The following CEACAM21 variants were observed in gnomAD, a reference collection of about 807,000 sequenced individuals.
CEACAM21 encodes the protein CEA cell adhesion molecule 21.
Under a neutral mutation model 33.2 loss-of-function variants are expected in CEACAM21, and 38 were observed. That is an observed-to-expected ratio of 1.14 (90% CI 0.88 to 1.50). CEACAM21 has a LOEUF of 1.50. Among genes scored for constraint, CEACAM21 ranks in the 40% most tolerant of loss-of-function variants. The probability of loss-of-function intolerance (pLI) is 0.00; values close to 1 mark genes in which losing one functional copy is unlikely to be tolerated. For missense variants in CEACAM21, 385 were observed against 364.6 expected, an observed-to-expected ratio of 1.06 and a Z score of -0.46; for synonymous variants, 156 against 143.0, an observed-to-expected ratio of 1.09 and a Z score of -0.65.
chr19:41,565,542 C>T (rs1443382632), intron 2 of CEACAM21: 1 of 94,238 alleles, frequency 1.1e-5, no homozygotes, highest in Non-Finnish European at 1.8e-5. Flanking sequence ...TTCCCCCCCG[C>T]CCCCCGCCCC....
At chr19:41,564,359 T>TTTA (rs1249680873) in intron 1 of CEACAM21, among the ~76,000 whole-genome samples, 1 of 130,570 alleles carries the variant, frequency 7.7e-6, no homozygotes, top group East Asian at 2.0e-4. Context: ...TATTTATTTA[T>TTTA]TTATTTATTA....
intron 1 of CEACAM21, among the ~76,000 whole-genome samples, chr19:41,550,985 T>C (rs2041165690): frequency 6.6e-6 from 1 of 152,212 alleles, no homozygotes; most frequent in Non-Finnish European, 1.5e-5. Context: ...TTTACTATTG[T>C]GCTGCATGCT....
chr19:41,569,996 GA>G (rs1416964773), intron 2 of CEACAM21, among the ~76,000 whole-genome samples: 3 of 152,168 alleles, frequency 2.0e-5, no homozygotes, highest in African/African-American at 7.2e-5. Flanking sequence ...TGGAGGTGAT[GA>G]ATGATCAGGA....
In CEACAM21 at chr19:41,579,398, CAG is replaced by C. The variant is rs782614600; in HGVS notation, c.474_475del (p.Lys159GlyfsTer11). 114 of 1,613,884 alleles carry C rather than the reference CAG, an allele frequency of 7.1e-5. No individual in the cohort carries two copies. Among genetic ancestry groups the C allele is most frequent in the Non-Finnish European group, 8.6e-5 (102 of 1,179,896 alleles). On this transcript the variant is annotated frameshift_variant, in exon 3 of 7. Transcript: ENST00000401445. LOFTEE classifies it high-confidence loss of function. The stretch of plus-strand genomic sequence containing the variant: ...ATCCAAGCCAGCAGCACCACAGTCA[CAG>C]AGAAGGGCTCCGTGGTCCTGACCTG...
At chr19:41,585,999 C>T in intron 6 of CEACAM21, 128 bp downstream of exon 6, 1 of 978,142 alleles carries the variant, frequency 1.0e-6, no homozygotes, top group East Asian at 2.6e-5. Context: ...TTAGACCTGC[C>T]CTGGCCATGA....
At chr19:41,552,846 T>C (rs2041302764) in intron 1 of CEACAM21, among the ~76,000 whole-genome samples, 1 of 152,156 alleles carries the variant, frequency 6.6e-6, no homozygotes. Flanking sequence ...TGCTGCTACT[T>C]CCTTCAGAAG....
intron 1 of CEACAM21, among the ~76,000 whole-genome samples, chr19:41,562,492 TAA>T (rs1474522648): frequency 1.2e-4 from 19 of 152,074 alleles, no homozygotes; most frequent in African/African-American, 4.6e-4. Context: ...GAAATATGTA[TAA>T]AGAGGTATGT....
upstream of CEACAM21, among the ~76,000 whole-genome samples, chr19:41,572,651 C>T (rs535030484): frequency 6.6e-6 from 1 of 152,292 alleles, no homozygotes; most frequent in Non-Finnish European, 1.5e-5. Flanking sequence ...AGAAAAGATA[C>T]CTGTGCACAC....
Position 41,576,320 on chromosome 19 carries a change from C to T in CEACAM21, c.46C>T (p.Gln16Ter), listed in dbSNP as rs782194338. ...TCCCCACAGAGAATGCATCCCCTGG[C>T]AGGGGCTCTTGCTCACAGGTGAGGG... ...ACPHRECIPW[Q>*]GLLLTASLLT... is the part of the protein sequence containing the mutation. The change falls in exon 1 of 7, where the codon CAG becomes TAG. Residue 16 changes from glutamine to a stop codon, truncating the protein, a stop_gained. Coordinates refer to ENST00000401445, the MANE Select transcript of CEACAM21 (RefSeq NM_001098506.4). LOFTEE classifies it high-confidence loss of function. 1.2e-6 allele frequency: 2 copies of T among 1,611,876 alleles called. No individual in the cohort carries two copies. Among genetic ancestry groups the T allele is most frequent in the South Asian group, 1.1e-5 (1 of 90,882 alleles).
intron 1 of CEACAM21, among the ~76,000 whole-genome samples, chr19:41,561,586 A>G (rs1489528435): frequency 1.3e-5 from 2 of 152,218 alleles, no homozygotes; most frequent in African/African-American, 4.8e-5. Context: ...GGACAAGCCA[A>G]TTCTAAAATT....
At chr19:41,559,802 C>T (rs2041763086) in intron 1 of CEACAM21, among the ~76,000 whole-genome samples, 1 of 152,012 alleles carries the variant, frequency 6.6e-6, no homozygotes, top group African/African-American at 2.4e-5. Flanking sequence ...TAAAGGAAAC[C>T]AGAACTGGGT....
chr19:41,583,228 C>A (rs1225330649), intron 3 of CEACAM21, among the ~76,000 whole-genome samples: 1 of 152,126 alleles, frequency 6.6e-6, no homozygotes, highest in Non-Finnish European at 1.5e-5. Flanking sequence ...CAAGAGTCAC[C>A]TTTGTTCCAG....
At chr19:41,560,963 C>T (rs2041847565) in intron 1 of CEACAM21, among the ~76,000 whole-genome samples, 1 of 152,000 alleles carries the variant, frequency 6.6e-6, no homozygotes, top group African/African-American at 2.4e-5. Flanking sequence ...TATTGCCTTG[C>T]AGCAAGACAA....
intron 1 of CEACAM21, among the ~76,000 whole-genome samples, chr19:41,557,123 A>G (rs1227395023): frequency 3.3e-5 from 5 of 152,220 alleles, no homozygotes; most frequent in African/African-American, 1.2e-4. Context: ...TTTAAGAAGT[A>G]GGTATTTTTG....
chr19:41,550,103 T>G (rs2041127655), intron 1 of CEACAM21: 1 of 152,210 alleles, frequency 6.6e-6, no homozygotes, highest in Non-Finnish European at 1.5e-5. Context: ...TTGATGATTG[T>G]ACTAAACAAA....
chr19:41,553,818 G>C (rs1441316341), intron 1 of CEACAM21: 2 of 152,074 alleles, frequency 1.3e-5, no homozygotes, highest in Non-Finnish European at 2.9e-5. Context: ...CAGCATTCTG[G>C]TCAAAACCTT....
At chr19:41,579,291 C>G in intron 2 of CEACAM21, 62 bp from the exon 3 acceptor site, 1 of 1,613,394 alleles carries the variant, frequency 6.2e-7, no homozygotes, top group Non-Finnish European at 8.5e-7. Flanking sequence ...AAATTTGACT[C>G]TGAGATCTCT....
rs2043187127 is a variant in CEACAM21 at position 41,579,322 on chromosome 19, A to G, written c.425-31A>G. 6 of 1,613,968 alleles carry G rather than the reference A, an allele frequency of 3.7e-6. No homozygotes were observed. In the East Asian group the frequency reaches 1.3e-4, roughly 36 times the overall value. On this transcript the variant is annotated intron_variant, in intron 2 of 6. Coordinates refer to ENST00000401445, the MANE Select transcript of CEACAM21 (RefSeq NM_001098506.4). ...TCTCTGAGGATGCAGCATGGCCCCA[A>G]GACACTTTCTGTTGGTCACTCTATC...
intron 2 of CEACAM21, among the ~76,000 whole-genome samples, chr19:41,568,482 T>G (rs2042405032): frequency 6.6e-6 from 1 of 152,168 alleles, no homozygotes; most frequent in African/African-American, 2.4e-5. Context: ...AGGGATAGGG[T>G]CTAGGTTCAT....
Sources: gnomAD v4.1 joint callset for allele counts (sites outside exome capture counted in the v4.1 genomes callset) on GRCh38, gnomAD v4.1.1 for gene constraint, MANE v1.5 for transcripts, NCBI Gene and HGNC (gene_info 2026-07-23, HGNC 2026-07-21) for gene names.